GRM7: variants seen among roughly 807,000 people sequenced by gnomAD.
GRM7 encodes glutamate metabotropic receptor 7.
GRM7 carries 35 observed loss-of-function variants against 84.5 expected under a neutral mutation model. The ratio of observed to expected loss-of-function variants is 0.41; its 90% CI spans 0.32 to 0.55. The LOEUF is 0.55. Among genes scored for constraint, GRM7 ranks in the 20% least tolerant of loss-of-function variants. The pLI, the probability that GRM7 is intolerant of heterozygous loss-of-function variation, is 0.19. For synonymous variants in GRM7, 487 were observed against 455.1 expected (o/e 1.07, Z -0.89); for missense variants, 1,003 against 1,194.6 (o/e 0.84, Z 2.36).
At chr3:7,547,564 T>C (rs1405396890) in intron 7 of GRM7, among the ~76,000 whole-genome samples, 2 of 152,162 alleles carry the variant, frequency 1.3e-5, no homozygotes, top group East Asian at 1.9e-4. Flanking sequence ...GAATGTGCTA[T>C]GGTGCTTCCA....
chr3:7,326,833 CAAAA>C (rs369799542), intron 4 of GRM7, among the ~76,000 whole-genome samples: 4 of 109,938 alleles, frequency 3.6e-5, no homozygotes, highest in Admixed American at 9.9e-5. Flanking sequence ...AACTCCGTCT[CAAAA>C]AAAAAAAAAA....
At chr3:7,668,691 G>T (rs550842868) in intron 8 of GRM7, among the ~76,000 whole-genome samples, 3 of 152,212 alleles carry the variant, frequency 2.0e-5, no homozygotes, top group African/African-American at 7.2e-5. Context: ...GTGACAGAAG[G>T]AAATACAGCA....
intron 8 of GRM7, among the ~76,000 whole-genome samples, chr3:7,592,552 T>C (rs1336855986): frequency 6.6e-6 from 1 of 152,100 alleles, no homozygotes; most frequent in African/African-American, 2.4e-5. Flanking sequence ...GCATGCAGAA[T>C]CAGACTGGAC....
At chr3:7,164,773 G>T (rs747560067) in intron 2 of GRM7, among the ~76,000 whole-genome samples, 27 of 152,324 alleles carry the variant, frequency 1.8e-4, no homozygotes, top group Non-Finnish European at 3.7e-4. Context: ...GCCACTTCCT[G>T]CTGACCTTGC....
At chr3:7,312,486 G>T (rs150439236) in intron 4 of GRM7, among the ~76,000 whole-genome samples, 1 of 152,082 alleles carries the variant, frequency 6.6e-6, no homozygotes, top group African/African-American at 2.4e-5. Flanking sequence ...TGGTAGGGTC[G>T]AGTGATATTA....
At chr3:7,512,769 T>A (rs6779595) in intron 7 of GRM7, among the ~76,000 whole-genome samples, 13,508 of 152,014 alleles carry the variant, frequency 0.089, 964 homozygotes, top group African/African-American at 0.2. Flanking sequence ...TGGGAAAGGA[T>A]CTAGCAGCTG....
chr3:7,393,830 A>G (rs774919870), intron 4 of GRM7, among the ~76,000 whole-genome samples: 12 of 152,212 alleles, frequency 7.9e-5, no homozygotes, highest in Non-Finnish European at 1.6e-4. Context: ...GTAAGTCTTC[A>G]TTCAATAAGC....
chr3:7,055,380 C>T (rs2124961225), intron 1 of GRM7, among the ~76,000 whole-genome samples: 1 of 151,832 alleles, frequency 6.6e-6, no homozygotes, highest in South Asian at 2.1e-4. Context: ...TCAATTCTTT[C>T]ATAGGTGGAG....
intron 1 of GRM7, among the ~76,000 whole-genome samples, chr3:6,922,610 A>G (rs914853848): frequency 3.3e-5 from 5 of 152,246 alleles, no homozygotes; most frequent in Admixed American, 6.5e-5. Context: ...ATACTTCATT[A>G]GATCACAAAT....
chr3:7,003,672 A>G (rs1178610309), intron 1 of GRM7, among the ~76,000 whole-genome samples: 2 of 152,240 alleles, frequency 1.3e-5, no homozygotes, highest in African/African-American at 2.4e-5. Flanking sequence ...AGCTAAGTGC[A>G]GAGTGATTGC....
At chr3:7,569,627 C>G (rs549367280) in intron 7 of GRM7, among the ~76,000 whole-genome samples, 2 of 152,122 alleles carry the variant, frequency 1.3e-5, no homozygotes, top group Non-Finnish European at 2.9e-5. Flanking sequence ...AATCTTGCTG[C>G]TCCTCACCCT....
chr3:7,430,548 C>A (rs1364625052), intron 5 of GRM7, among the ~76,000 whole-genome samples: 1 of 152,224 alleles, frequency 6.6e-6, no homozygotes, highest in Non-Finnish European at 1.5e-5. Context: ...TACTTTAGAA[C>A]ACTTCTTTAG....
chr3:7,577,365 G>C (rs1695018540), intron 7 of GRM7, among the ~76,000 whole-genome samples: 1 of 152,162 alleles, frequency 6.6e-6, no homozygotes, highest in Admixed American at 6.5e-5. Flanking sequence ...TCTCAATTTT[G>C]AGAACCACTA....
At chr3:7,304,568 T>C (rs755637187) in intron 3 of GRM7, among the ~76,000 whole-genome samples, 66 of 152,056 alleles carry the variant, frequency 4.3e-4, no homozygotes, top group Non-Finnish European at 7.4e-4. Context: ...ACGTTCTTTT[T>C]TCTCTAAATG....
chr3:7,696,467 G>T (rs1701023974), intron 9 of GRM7, among the ~76,000 whole-genome samples: 1 of 152,100 alleles, frequency 6.6e-6, no homozygotes. Flanking sequence ...GGTTTTCTTA[G>T]TCACCACCCA....
intron 8 of GRM7, among the ~76,000 whole-genome samples, chr3:7,601,668 G>A (rs1696317896): frequency 6.6e-6 from 1 of 152,074 alleles, no homozygotes; most frequent in Non-Finnish European, 1.5e-5. Flanking sequence ...TCGTGTATAG[G>A]AAGTCAGGAT....
intron 1 of GRM7, among the ~76,000 whole-genome samples, chr3:7,092,605 G>A (rs866399340): frequency 6.7e-6 from 1 of 149,502 alleles, no homozygotes; most frequent in South Asian, 2.2e-4. Context: ...TGAATTGGGG[G>A]GGGGGCAATT....
At chr3:6,872,060 G>A (rs546684446) in intron 1 of GRM7, among the ~76,000 whole-genome samples, 2 of 152,268 alleles carry the variant, frequency 1.3e-5, no homozygotes, top group South Asian at 4.1e-4. Context: ...TGACAGGCAT[G>A]AGAAGAGTAT....
chr3:7,159,554 CCT>C (rs1209256696), intron 2 of GRM7, among the ~76,000 whole-genome samples: 4 of 152,150 alleles, frequency 2.6e-5, no homozygotes, highest in Non-Finnish European at 5.9e-5. Flanking sequence ...CCACCTTCCC[CCT>C]CTTTCATTCT....
Sources: allele counts gnomAD v4.1 joint callset (sites outside exome capture counted in the v4.1 genomes callset), GRCh38; gene constraint gnomAD v4.1.1; transcripts MANE v1.5; gene names NCBI Gene and HGNC (gene_info 2026-07-23, HGNC 2026-07-21).